Variants in TSHZ1 observed in about 807,000 individuals in gnomAD.
TSHZ1 encodes teashirt zinc finger homeobox 1, also known as teashirt homolog 1.
A neutral mutation model predicts 67.1 loss-of-function variants in TSHZ1; 12 were observed. The observed-to-expected ratio is 0.18, with a 90% CI of 0.11 to 0.29. The LOEUF is 0.29. TSHZ1 is among the 10% of genes least tolerant of loss of function. The probability of loss-of-function intolerance (pLI) is 1.00; values close to 1 mark genes in which losing one functional copy is unlikely to be tolerated. For synonymous variants in TSHZ1, 632 were observed against 622.4 expected (o/e 1.02, Z -0.23); for missense variants, 1,305 against 1,413.9 (o/e 0.92, Z 1.23).
At chr18:75,224,132 CAT>C (rs2022887345) in intron 1 of TSHZ1, among the ~76,000 whole-genome samples, 1 of 136,752 alleles carries the variant, frequency 7.3e-6, no homozygotes, top group Admixed American at 7.4e-5. Flanking sequence ...CAAAACAAAA[CAT>C]AGATTTTTCT....
At chr18:75,221,946 T>C (rs1232182864) in intron 1 of TSHZ1, among the ~76,000 whole-genome samples, 1 of 152,100 alleles carries the variant, frequency 6.6e-6, no homozygotes, top group Non-Finnish European at 1.5e-5. Context: ...TATGTATATA[T>C]TTTAAAATTC....
intron 1 of TSHZ1, among the ~76,000 whole-genome samples, chr18:75,242,550 G>A (rs779485075): frequency 1.8e-4 from 28 of 152,186 alleles, no homozygotes; most frequent in Non-Finnish European, 2.8e-4. Flanking sequence ...CATGAAATTC[G>A]GCAGCTCATT....
intron 1 of TSHZ1, among the ~76,000 whole-genome samples, chr18:75,219,051 AGAATCCTTGT>A (rs2022810629): frequency 6.6e-6 from 1 of 152,244 alleles, no homozygotes; most frequent in Non-Finnish European, 1.5e-5. Context: ...TAAAGCATTG[AGAATCCTTGT>A]GAATACCTTC....
intron 1 of TSHZ1, among the ~76,000 whole-genome samples, chr18:75,255,636 T>C (rs922823090): frequency 6.6e-6 from 1 of 152,066 alleles, no homozygotes; most frequent in East Asian, 1.9e-4. Context: ...AAAATATACG[T>C]ATGTAGATTG....
chr18:75,286,655 C>G lies in TSHZ1; in HGVS notation c.1248C>G (p.Leu416=), dbSNP rs767129921. The change falls in exon 2 of 2, where the codon CTC becomes CTG. Residue 416 remains leucine, a synonymous_variant. Coordinates refer to ENST00000580243, the MANE Select transcript of TSHZ1 (RefSeq NM_001308210.2). This position sits in a 1 kb window ranked among gnomAD's most constrained non-coding sequence, Gnocchi z 5.1. ...WQFEARKAQI[L]KCMECGSSHD... Reference sequence around the variant, plus strand: ...TTGAGGCCCGCAAGGCGCAGATCCTCAAGTGCATGGAGTGTGGCAGCTCCC... The same window carrying G: ...TTGAGGCCCGCAAGGCGCAGATCCTGAAGTGCATGGAGTGTGGCAGCTCCC... The G allele has an allele frequency of 1.1e-5, 17 of 1,614,120 alleles. No individual in the cohort carries two copies. Among genetic ancestry groups the G allele is most frequent in the Admixed American group, 1.7e-5 (1 of 60,014 alleles).
In TSHZ1 at chr18:75,244,127, C is replaced by T. The variant is rs529587124; in HGVS notation, c.40+32211C>T. Among the ~76,000 whole-genome samples the T allele has an allele frequency of 9.2e-5, 14 of 152,208 alleles. 1 individual carries two copies. In the South Asian group the frequency reaches 2.5e-3, roughly 27 times the overall value. Reference sequence around the variant, plus strand: ...CAAGTGGAAAGCAGGTTGAAGACAGCGTGGTGGAGCTGCACTGTCGGGGGA... The same window carrying T: ...CAAGTGGAAAGCAGGTTGAAGACAGTGTGGTGGAGCTGCACTGTCGGGGGA... On this transcript the variant is annotated intron_variant, in intron 1 of 1. Coordinates refer to ENST00000580243, the MANE Select transcript of TSHZ1 (RefSeq NM_001308210.2).
intron 1 of TSHZ1, among the ~76,000 whole-genome samples, chr18:75,273,134 G>C (rs187038322): frequency 1.3e-5 from 2 of 152,316 alleles, no homozygotes; most frequent in African/African-American, 4.8e-5. Flanking sequence ...GCATGTTCAG[G>C]GAAGCCTTTC....
chr18:75,259,713 G>A (rs551155160), intron 1 of TSHZ1, among the ~76,000 whole-genome samples: 1 of 152,128 alleles, frequency 6.6e-6, no homozygotes, highest in South Asian at 2.1e-4. Context: ...TTTATAATGG[G>A]TATGTACGTA....
chr18:75,287,778 C>A lies in TSHZ1; in HGVS notation c.2371C>A (p.Pro791Thr). The A allele has an allele frequency of 6.2e-7, 1 of 1,614,208 alleles. No homozygotes were observed. The highest frequency in any genetic ancestry group is 8.5e-7 in the Non-Finnish European group (1 of 1,180,044). Residue 791 changes from proline (P) to threonine (T), a missense_variant, in exon 2 of 2, where the codon CCT becomes ACT. Pro to Thr is a conservative substitution (Grantham distance 38, BLOSUM62 -1). This residue lies in a region of TSHZ1 where 909 missense variants were observed against 961.8 expected (regional missense o/e 0.95). Coordinates refer to ENST00000580243, the MANE Select transcript of TSHZ1 (RefSeq NM_001308210.2). The surrounding 1 kb of genome is among the most constrained non-coding windows in gnomAD (Gnocchi z 5.0). ...MLDKPVYPAT[P>T]VKQADAIDRY... Reference sequence around the variant, plus strand: ...GGACAAGCCGGTGTACCCCGCCACCCCTGTGAAGCAGGCCGATGCCATCGA... The same window carrying A: ...GGACAAGCCGGTGTACCCCGCCACCACTGTGAAGCAGGCCGATGCCATCGA...
chr18:75,253,373 C>T (rs1349080375), intron 1 of TSHZ1, among the ~76,000 whole-genome samples: 1 of 152,198 alleles, frequency 6.6e-6, no homozygotes, highest in East Asian at 1.9e-4. Context: ...TATAACTCTT[C>T]AACATTGCTG....
intron 1 of TSHZ1, among the ~76,000 whole-genome samples, chr18:75,271,739 C>T (rs114760240): frequency 0.013 from 1,719 of 131,414 alleles, 40 homozygotes; most frequent in African/African-American, 0.046. Context: ...CTCCCCGCTT[C>T]CTGGTCCCCT....
At position 75,287,242 on chromosome 18, in the gene TSHZ1, T is replaced by C; in HGVS notation, c.1835T>C (p.Leu612Pro). The change falls in exon 2 of 2, where the codon CTG (leucine) becomes CCG (proline). Residue 612 changes from leucine to proline, a missense_variant. Leu to Pro is a moderately conservative substitution (Grantham distance 98, BLOSUM62 -3). This residue lies in a region of TSHZ1 where 909 missense variants were observed against 961.8 expected (regional missense o/e 0.95). Coordinates refer to ENST00000580243, the MANE Select transcript of TSHZ1 (RefSeq NM_001308210.2). This position sits in a 1 kb window ranked among gnomAD's most constrained non-coding sequence, Gnocchi z 5.0. Reference sequence around the variant, plus strand: ...TCCTATGCTGGCGGCGTGAAGTCGCTGTCTTCCGCCGAGCACAACGCCCTC... The same window carrying C: ...TCCTATGCTGGCGGCGTGAAGTCGCCGTCTTCCGCCGAGCACAACGCCCTC... The part of the protein sequence containing the change: ...QPSYAGGVKS[L>P]SSAEHNALLH... The C allele has an allele frequency of 6.2e-7, 1 of 1,613,944 alleles. No homozygotes were observed. The highest frequency in any genetic ancestry group is 8.5e-7 in the Non-Finnish European group (1 of 1,179,976).
intron 1 of TSHZ1, among the ~76,000 whole-genome samples, chr18:75,212,755 A>G (rs75116988): frequency 0.02 from 3,055 of 152,268 alleles, 99 homozygotes; most frequent in African/African-American, 0.071. Flanking sequence ...GAAGTTTTAC[A>G]GCTGCAGCAT....
chr18:75,254,931 GA>G (rs925464584), intron 1 of TSHZ1, among the ~76,000 whole-genome samples: 5 of 152,124 alleles, frequency 3.3e-5, no homozygotes, highest in African/African-American at 1.2e-4. Flanking sequence ...CAATTATCCA[GA>G]AAACCCAGCC....
chr18:75,262,672 G>C (rs1312619964), intron 1 of TSHZ1, among the ~76,000 whole-genome samples: 5 of 152,198 alleles, frequency 3.3e-5, no homozygotes, highest in Admixed American at 3.3e-4. Context: ...GATGGCAGCA[G>C]GGCACTTCTC....
chr18:75,249,483 G>T (rs980751777), intron 1 of TSHZ1, among the ~76,000 whole-genome samples: 1 of 148,366 alleles, frequency 6.7e-6, no homozygotes, highest in Non-Finnish European at 1.5e-5. Flanking sequence ...GGCTTTGGTA[G>T]GGGGGAAGGG....
chr18:75,226,380 C>T (rs1003840008), intron 1 of TSHZ1, among the ~76,000 whole-genome samples: 10 of 152,096 alleles, frequency 6.6e-5, no homozygotes, highest in African/African-American at 1.7e-4. Flanking sequence ...TCTCTGAAGA[C>T]GCCTATCAGG....
intron 1 of TSHZ1, among the ~76,000 whole-genome samples, chr18:75,228,357 G>A (rs2022952836): frequency 6.6e-6 from 1 of 152,230 alleles, no homozygotes; most frequent in Non-Finnish European, 1.5e-5. Flanking sequence ...TGGCTTTCCA[G>A]ATGGATCTCC....
At chr18:75,266,639 G>A (rs2023493720) in intron 1 of TSHZ1, among the ~76,000 whole-genome samples, 1 of 152,134 alleles carries the variant, frequency 6.6e-6, no homozygotes, top group South Asian at 2.1e-4. Context: ...CACTAAAATT[G>A]AACAGCTTAA....
Sources: gnomAD v4.1 joint callset for allele counts (sites outside exome capture counted in the v4.1 genomes callset) on GRCh38, gnomAD v4.1.1 for gene constraint, gnomAD v4.1.1 regional missense constraint, Gnocchi (gnomAD v3.1) non-coding constraint, MANE v1.5 for transcripts, NCBI Gene and HGNC (gene_info 2026-07-23, HGNC 2026-07-21) for gene names.